FOXP1: variants seen among roughly 807,000 people sequenced by gnomAD.
FOXP1 encodes the protein forkhead box protein P1.
Under a neutral mutation model 98.2 loss-of-function variants are expected in FOXP1, and 15 were observed. The ratio of observed to expected loss-of-function variants is 0.15; its 90% confidence interval spans 0.10 to 0.24. The LOEUF (loss-of-function observed/expected upper bound fraction) is 0.24, where lower values mean the gene tolerates loss of function less well. Ranked by LOEUF, FOXP1 falls within the 10% of genes least tolerant of loss-of-function variation. FOXP1 has a pLI of 1.00. For synonymous variants in FOXP1, 371 were observed against 314.5 expected (o/e 1.18, Z -1.90); for missense variants, 633 against 848.5 (o/e 0.75, Z 3.15).
chr3:71,028,649 C>G (rs939821265), intron 11 of FOXP1, among the ~76,000 whole-genome samples: 3 of 152,178 alleles, frequency 2.0e-5, no homozygotes, highest in Non-Finnish European at 4.4e-5. Context: ...AACTGGGGGG[C>G]AGGGAATAGT....
intron 6 of FOXP1, among the ~76,000 whole-genome samples, chr3:71,139,173 C>T (rs192096860): frequency 1.3e-4 from 20 of 152,240 alleles, no homozygotes; most frequent in East Asian, 9.7e-4. Context: ...CATAGAGATA[C>T]GGAGCCAGTT....
chr3:71,391,024 G>A (rs928372164), intron 3 of FOXP1, among the ~76,000 whole-genome samples: 1 of 152,106 alleles, frequency 6.6e-6, no homozygotes, highest in South Asian at 2.1e-4. Flanking sequence ...CCCTCCCGCT[G>A]AACATCATTA....
intron 3 of FOXP1, among the ~76,000 whole-genome samples, chr3:71,387,513 C>A (rs1200410272): frequency 1.3e-5 from 2 of 152,186 alleles, no homozygotes; most frequent in African/African-American, 4.8e-5. Flanking sequence ...TTTTAATGAG[C>A]CATCATAACA....
chr3:71,143,277 C>T (rs1299220013), intron 6 of FOXP1, among the ~76,000 whole-genome samples: 12 of 152,222 alleles, frequency 7.9e-5, no homozygotes, highest in East Asian at 7.7e-4. Flanking sequence ...TTGTCCTTGG[C>T]TAGAAAAGAG....
intron 3 of FOXP1, among the ~76,000 whole-genome samples, chr3:71,364,762 T>C (rs1385801351): frequency 1.3e-5 from 2 of 152,236 alleles, no homozygotes; most frequent in Non-Finnish European, 1.5e-5. Flanking sequence ...ACAAAAGTGA[T>C]GCGTTTCAGA....
intron 2 of FOXP1, among the ~76,000 whole-genome samples, chr3:71,554,965 T>C (rs1480391763): frequency 6.6e-6 from 1 of 152,206 alleles, no homozygotes; most frequent in African/African-American, 2.4e-5. Context: ...ATGTTTATGG[T>C]CAACTTCCTT....
intron 5 of FOXP1, among the ~76,000 whole-genome samples, chr3:71,272,927 T>C (rs1262620107): frequency 6.6e-6 from 1 of 152,160 alleles, no homozygotes; most frequent in Non-Finnish European, 1.5e-5. Flanking sequence ...TGGTCTTCCA[T>C]GGTTTGGAAG....
chr3:71,078,052 G>T (rs546662917), intron 7 of FOXP1, among the ~76,000 whole-genome samples: 1 of 152,208 alleles, frequency 6.6e-6, no homozygotes, highest in Admixed American at 6.5e-5. Flanking sequence ...GGCTGCTCTC[G>T]AACTCCTGAC....
intron 3 of FOXP1, among the ~76,000 whole-genome samples, chr3:71,383,142 CATT>C (rs1231311158): frequency 6.6e-6 from 1 of 152,186 alleles, no homozygotes; most frequent in East Asian, 1.9e-4. Flanking sequence ...TGCTGGCTGA[CATT>C]ATTATGGTAA....
chr3:71,312,502 T>C (rs538136832), intron 4 of FOXP1, among the ~76,000 whole-genome samples: 3 of 152,328 alleles, frequency 2.0e-5, no homozygotes, highest in African/African-American at 7.2e-5. Context: ...TCTCCTTCCC[T>C]GCTTCTGCTA....
chr3:71,398,668 T>C (rs1222126495), intron 3 of FOXP1, among the ~76,000 whole-genome samples: 1 of 152,198 alleles, frequency 6.6e-6, no homozygotes, highest in East Asian at 1.9e-4. Context: ...GAAAAGCTTT[T>C]AACAACCACA....
intron 5 of FOXP1, among the ~76,000 whole-genome samples, chr3:71,259,713 A>T (rs2068934278): frequency 6.6e-6 from 1 of 152,264 alleles, no homozygotes; most frequent in Admixed American, 6.5e-5. Flanking sequence ...AAGTGCCTAC[A>T]AATCAATTAA....
At chr3:70,962,983 TAC>T (rs2033908050) in intron 20 of FOXP1, among the ~76,000 whole-genome samples, 1 of 152,222 alleles carries the variant, frequency 6.6e-6, no homozygotes, top group South Asian at 2.1e-4. Flanking sequence ...ATTTGATCAT[TAC>T]ACATTGTATA....
At chr3:71,360,794 G>A (rs2078507481) in intron 3 of FOXP1, 1 of 152,206 alleles carries the variant, frequency 6.6e-6, no homozygotes, top group Admixed American at 6.5e-5. Flanking sequence ...GAATTTACAT[G>A]TTTTTAACCT....
chr3:71,573,465 T>C (rs762901522), intron 2 of FOXP1: 3 of 151,910 alleles, frequency 2.0e-5, no homozygotes, highest in Non-Finnish European at 4.4e-5. Context: ...AACTTGCTTC[T>C]ACAAGTATAA....
intron 4 of FOXP1, among the ~76,000 whole-genome samples, chr3:71,316,085 G>A (rs1392577764): frequency 6.6e-6 from 1 of 152,184 alleles, no homozygotes; most frequent in Non-Finnish European, 1.5e-5. Context: ...TGGACCCACC[G>A]GTATCTCATC....
intron 7 of FOXP1, among the ~76,000 whole-genome samples, chr3:71,058,287 G>A (rs1353367718): frequency 1.3e-5 from 2 of 152,096 alleles, no homozygotes; most frequent in South Asian, 2.1e-4. Flanking sequence ...AATTTTGCAC[G>A]TTGGGTATCA....
At chr3:71,126,383 G>A (rs896955440) in intron 6 of FOXP1, among the ~76,000 whole-genome samples, 1 of 151,946 alleles carries the variant, frequency 6.6e-6, no homozygotes, top group South Asian at 2.1e-4. Flanking sequence ...CAGCTACTCT[G>A]GAGGCTAGGG....
intron 9 of FOXP1, among the ~76,000 whole-genome samples, chr3:71,049,302 A>C (rs1290721520): frequency 6.6e-6 from 1 of 152,102 alleles, no homozygotes; most frequent in African/African-American, 2.4e-5. Context: ...AAAACAATCA[A>C]CTTAGCCTAC....
Sources: gnomAD v4.1 joint callset for allele counts (sites outside exome capture counted in the v4.1 genomes callset) on GRCh38, gnomAD v4.1.1 for gene constraint, MANE v1.5 for transcripts, NCBI Gene and HGNC (gene_info 2026-07-23, HGNC 2026-07-21) for gene names.